CUBN: variants seen among roughly 807,000 people sequenced by gnomAD.
The protein encoded by CUBN is cubilin.
Under a neutral mutation model 405.3 loss-of-function variants are expected in CUBN, and 282 were observed. The observed-to-expected ratio is 0.70, with a 90% confidence interval of 0.63 to 0.77. CUBN has a LOEUF of 0.77. Among genes scored for constraint, CUBN ranks in the 30% least tolerant of loss-of-function variants. CUBN has a pLI of 0.00. For missense variants in CUBN, 4,514 were observed against 4,475.2 expected, an observed-to-expected ratio of 1.01 and a Z score of -0.25; for synonymous variants, 1,684 against 1,617.0, an observed-to-expected ratio of 1.04 and a Z score of -0.99.
At position 16,984,386 on chromosome 10, in the gene CUBN, GAGATT is replaced by G; in HGVS notation, c.4351-112_4351-108del. 4 of 1,063,654 alleles carry G rather than the reference GAGATT, an allele frequency of 3.8e-6. No homozygotes were observed. The Admixed American group carries it at 8.1e-5, about 22-fold the overall frequency. The allele number at this position is 1,063,654 out of a possible 1,614,324, so 65.9% of individuals were successfully genotyped here. ...GGCTCCTTGGGTTCTATGATTATTA[GAGATT>G]GAAATCTCAGCCTCCCTGGGTGGGG... On this transcript the variant is annotated intron_variant, in intron 29 of 66. Transcript: ENST00000377833.
In CUBN at chr10:16,940,126, G is replaced by C; in HGVS notation, c.5454C>G (p.Leu1818=). 6.2e-7 allele frequency: 1 copy of C among 1,614,100 alleles called. No individual in the cohort carries two copies. Among genetic ancestry groups the C allele is most frequent in the Non-Finnish European group, 8.5e-7 (1 of 1,179,964 alleles). Residue 1818 remains leucine, a synonymous_variant, in exon 37 of 67, where the codon CTC becomes CTG. Transcript: ENST00000377833. ...TATGTCCAACGATGGAAGAATAATTGAGAGGGAAGGAGTTTCCACAGTATC... is the reference window on the plus strand; with the variant it reads ...TATGTCCAACGATGGAAGAATAATTCAGAGGGAAGGAGTTTCCACAGTATC... ...VGRYCGNSFP[L]NYSSIVGHTL...
chr10:17,016,325 T>C (rs1345801230), intron 28 of CUBN, among the ~76,000 whole-genome samples: 1 of 152,144 alleles, frequency 6.6e-6, no homozygotes, highest in Non-Finnish European at 1.5e-5. Flanking sequence ...GAGGTCCCAG[T>C]GGGGATCCAT....
At chr10:16,946,558 C>T (rs181101248) in intron 36 of CUBN, among the ~76,000 whole-genome samples, 1 of 142,398 alleles carries the variant, frequency 7.0e-6, no homozygotes, top group South Asian at 2.3e-4. Flanking sequence ...TGCAGTGGCT[C>T]AATCTCAGTG....
chr10:16,871,631 C>G (rs964222817), intron 58 of CUBN, among the ~76,000 whole-genome samples: 1 of 151,902 alleles, frequency 6.6e-6, no homozygotes, highest in African/African-American at 2.4e-5. Context: ...AGATAATTTC[C>G]AACAACACTG....
intron 7 of CUBN, among the ~76,000 whole-genome samples, chr10:17,114,979 C>T (rs60442798): frequency 0.047 from 7,109 of 152,270 alleles, 536 homozygotes; most frequent in African/African-American, 0.16. Context: ...CACGGTGGCT[C>T]ATGCCTGTAA....
At chr10:17,096,318 T>C (rs963804876) in intron 14 of CUBN, among the ~76,000 whole-genome samples, 29 of 152,288 alleles carry the variant, frequency 1.9e-4, no homozygotes, top group Admixed American at 1.2e-3. Flanking sequence ...TAACTATGTA[T>C]GATAGATATA....
intron 60 of CUBN, among the ~76,000 whole-genome samples, chr10:16,850,202 T>C (rs2131335932): frequency 6.6e-6 from 1 of 152,340 alleles, no homozygotes; most frequent in South Asian, 2.1e-4. Flanking sequence ...CTGCATCGAA[T>C]GCATTCATTA....
intron 28 of CUBN, among the ~76,000 whole-genome samples, chr10:17,002,131 C>T (rs930003366): frequency 1.3e-5 from 2 of 151,826 alleles, no homozygotes; most frequent in African/African-American, 4.8e-5. Flanking sequence ...AAAAGAGAAA[C>T]CTCTGGGGAC....
intron 28 of CUBN, among the ~76,000 whole-genome samples, chr10:16,997,387 A>G (rs1403084207): frequency 6.6e-6 from 1 of 150,772 alleles, no homozygotes; most frequent in Non-Finnish European, 1.5e-5. Context: ...GTGAGCTGAG[A>G]TCACACCACT....
chr10:16,918,417 C>T (rs1055720639), intron 45 of CUBN, among the ~76,000 whole-genome samples: 3 of 152,024 alleles, frequency 2.0e-5, no homozygotes, highest in African/African-American at 7.2e-5. Context: ...TTCTTCCTAT[C>T]CATGAGCACG....
intron 50 of CUBN, 130 bp downstream of exon 50, chr10:16,906,073 C>T: frequency 1.3e-6 from 1 of 758,722 alleles, no homozygotes; most frequent in Non-Finnish European, 2.3e-6. Flanking sequence ...ATGATCACAC[C>T]ACTGCACTCC....
chr10:17,041,299 A>C (rs1287044157), intron 26 of CUBN, 79 bp from the exon 27 acceptor site: 1 of 1,175,670 alleles, frequency 8.5e-7, no homozygotes, highest in East Asian at 2.4e-5. Context: ...CTTTAAAAAA[A>C]ATAAATAAAA....
At chr10:17,009,083 T>C in intron 28 of CUBN, among the ~76,000 whole-genome samples, 1 of 152,210 alleles carries the variant, frequency 6.6e-6, no homozygotes, top group South Asian at 2.1e-4. Context: ...TATTGAACTC[T>C]GTGTACCTGT....
chr10:16,945,720 T>C (rs1014368370), intron 36 of CUBN, among the ~76,000 whole-genome samples: 4 of 138,752 alleles, frequency 2.9e-5, no homozygotes, highest in Non-Finnish European at 4.5e-5. Context: ...TGAGCTGAGG[T>C]CACTCCATTG....
At position 17,110,379 on chromosome 10, in the gene CUBN, G is replaced by A. The variant is rs558695804; in HGVS notation, c.1015+540C>T. The stretch of plus-strand genomic sequence containing the variant: ...TTTCAAATTCTGCATTATCTCTGTA[G>A]CTATTTGACAGTTTGTAAAGTTTGT... On this transcript the variant is annotated intron_variant, in intron 9 of 66. Transcript: ENST00000377833. 3.9e-5 allele frequency among the ~76,000 whole-genome samples: 6 copies of A among 152,244 alleles called. No homozygotes were observed. The South Asian group carries it at 1.0e-3, about 26-fold the overall frequency.
rs763917917 is a variant in CUBN at position 17,109,753 on chromosome 10, C to T, written c.1016-18G>A. 3.4e-5 allele frequency: 54 copies of T among 1,598,734 alleles called. 1 individual carries two copies. In the Middle Eastern group the frequency reaches 1.2e-3, roughly 36 times the overall value. On this transcript the variant is annotated intron_variant, in intron 9 of 66. Transcript: ENST00000377833. ...CTGGTACCCTGATGAGAACAAGAGC[C>T]AGGTCATAAGAAACAATGTCAAGAA...
intron 60 of CUBN, among the ~76,000 whole-genome samples, chr10:16,844,312 G>A (rs1425032594): frequency 6.6e-6 from 1 of 150,860 alleles, no homozygotes; most frequent in Non-Finnish European, 1.5e-5. Flanking sequence ...AAAACAGGAA[G>A]GGTATCCCAG....
Position 17,034,235 on chromosome 10 carries a change from G to A in CUBN, c.4017+6798C>T, listed in dbSNP as rs188338516. 6.2e-3 allele frequency among the ~76,000 whole-genome samples: 946 copies of A among 152,266 alleles called. 15 individuals carry two copies. Among genetic ancestry groups the A allele is most frequent in the Non-Finnish European group, 4.8e-3 (329 of 68,010 alleles). On this transcript the variant is annotated intron_variant, in intron 27 of 66. Transcript: ENST00000377833. Reference sequence around the variant, plus strand: ...GAAGATGATAGTGGTCAAGGTGCCCGATAAGGAAAAGGGGGAGAAAGTTTA... The same window carrying A: ...GAAGATGATAGTGGTCAAGGTGCCCAATAAGGAAAAGGGGGAGAAAGTTTA...
At chr10:17,105,071 G>C (rs1836593064) in intron 11 of CUBN, among the ~76,000 whole-genome samples, 1 of 151,872 alleles carries the variant, frequency 6.6e-6, no homozygotes, top group Non-Finnish European at 1.5e-5. Context: ...AAAGTGTTGG[G>C]ATTACAGGCA....
Sources: allele counts gnomAD v4.1 joint callset (sites outside exome capture counted in the v4.1 genomes callset), GRCh38; gene constraint gnomAD v4.1.1; transcripts MANE v1.5; gene names NCBI Gene and HGNC (gene_info 2026-07-23, HGNC 2026-07-21).